Variants in CALN1 observed in about 807,000 individuals in gnomAD.
CALN1 encodes the protein calneuron 1.
Under a neutral mutation model 30.6 loss-of-function variants are expected in CALN1, and 17 were observed. The observed-to-expected ratio is 0.56, with a 90% confidence interval of 0.38 to 0.83. CALN1 has a LOEUF of 0.83. Among genes scored for constraint, CALN1 ranks in the 40% least tolerant of loss-of-function variants. CALN1 has a pLI of 0.00. For missense variants in CALN1, 291 were observed against 354.9 expected, an observed-to-expected ratio of 0.82 and a Z score of 1.45; for synonymous variants, 156 against 131.4, an observed-to-expected ratio of 1.19 and a Z score of -1.28.
chr7:71,854,806 G>T (rs577694987), intron 5 of CALN1, among the ~76,000 whole-genome samples: 6 of 152,116 alleles, frequency 3.9e-5, no homozygotes, highest in Admixed American at 6.6e-5. Flanking sequence ...AGAAGCTTCG[G>T]GCTCATTTCC....
chr7:72,262,851 G>A (rs1796356291), intron 3 of CALN1, among the ~76,000 whole-genome samples: 1 of 152,190 alleles, frequency 6.6e-6, no homozygotes, highest in Admixed American at 6.5e-5. Context: ...AACCAATGAG[G>A]ACAGCCACTG....
chr7:72,483,150 T>A, the CALN1 span, among the ~76,000 whole-genome samples: 10 of 152,252 alleles, frequency 6.6e-5, no homozygotes, highest in Middle Eastern at 3.4e-3. Context: ...TTTTAAAATT[T>A]TTTTTAATCA....
chr7:72,198,586 AC>A (rs1021187523), intron 3 of CALN1, among the ~76,000 whole-genome samples: 2 of 150,216 alleles, frequency 1.3e-5, no homozygotes, highest in Non-Finnish European at 3.0e-5. Context: ...TGCTATAACC[AC>A]CCCCCACCCT....
intron 3 of CALN1, among the ~76,000 whole-genome samples, chr7:72,211,638 T>C (rs983635502): frequency 2.0e-5 from 3 of 152,216 alleles, no homozygotes; most frequent in African/African-American, 7.2e-5. Flanking sequence ...ACATCACGAA[T>C]GTTCTATGAA....
At chr7:72,061,528 A>C (rs182436839) in intron 4 of CALN1, among the ~76,000 whole-genome samples, 20 of 152,084 alleles carry the variant, frequency 1.3e-4, no homozygotes, top group African/African-American at 4.6e-4. Context: ...ACTAAAAAAA[A>C]AAAAACAGTA....
chr7:72,488,085 A>G, the CALN1 span, among the ~76,000 whole-genome samples: 2 of 151,988 alleles, frequency 1.3e-5, no homozygotes, highest in South Asian at 4.2e-4. Context: ...TGATCCCAAC[A>G]CTTTGGGAGG....
In CALN1 at chr7:71,950,144, G is replaced by A. The variant is rs186498335; in HGVS notation, c.501+73513C>T. Among the ~76,000 whole-genome samples, 22 of 152,140 alleles carry A rather than the reference G, an allele frequency of 1.4e-4. No homozygotes were observed. In the East Asian group the frequency reaches 2.5e-3, roughly 17 times the overall value. ...GTGCATTTTGTCCAATTCTTTGTTC[G>A]AGATGCCAAGAACCTGGACACCCTC... On this transcript the variant is annotated intron_variant, in intron 5 of 6. Coordinates refer to ENST00000395275, the MANE Select transcript of CALN1 (RefSeq NM_031468.4).
chr7:72,465,797 G>C, the CALN1 span, among the ~76,000 whole-genome samples: 1 of 152,204 alleles, frequency 6.6e-6, no homozygotes, highest in Non-Finnish European at 1.5e-5. Context: ...AAGAGAAACA[G>C]AAAGGAAAAT....
intron 5 of CALN1, among the ~76,000 whole-genome samples, chr7:71,949,350 G>A (rs114457928): frequency 0.017 from 2,575 of 152,208 alleles, 81 homozygotes; most frequent in African/African-American, 0.058. Flanking sequence ...TACATAAGGC[G>A]TATACCAAGT....
chr7:72,425,926 C>T (rs1807786770), intron 1 of CALN1, among the ~76,000 whole-genome samples: 1 of 152,142 alleles, frequency 6.6e-6, no homozygotes, highest in African/African-American at 2.4e-5. Context: ...AACTCCTCCT[C>T]ATCCCAGGGT....
At chr7:72,501,369 T>G in the CALN1 span, among the ~76,000 whole-genome samples, 1 of 15,486 alleles carries the variant, frequency 6.5e-5, no homozygotes, top group Non-Finnish European at 1.4e-4. Flanking sequence ...CACGTCTCTA[T>G]TAAAAAAAAA....
chr7:72,079,761 CTTTTTTTTTTTTTTT>C (rs3065015), intron 4 of CALN1, among the ~76,000 whole-genome samples: 5 of 104,038 alleles, frequency 4.8e-5, no homozygotes, highest in African/African-American at 1.6e-4. Context: ...TGCCTTTTTC[CTTTTTTTTTTTTTTT>C]TTTTTTTTTT....
intron 1 of CALN1, among the ~76,000 whole-genome samples, chr7:72,409,355 CCA>C (rs1443466567): frequency 1.4e-5 from 2 of 147,582 alleles, no homozygotes; most frequent in Admixed American, 6.7e-5. Flanking sequence ...TTGCTGAAGG[CCA>C]CAGAGGCTGA....
intron 5 of CALN1, among the ~76,000 whole-genome samples, chr7:71,824,910 T>C (rs2116353968): frequency 6.6e-6 from 1 of 152,266 alleles, no homozygotes; most frequent in East Asian, 1.9e-4. Context: ...GAGTCCTACC[T>C]ACACAGTTGA....
chr7:71,790,381 AAAGAAAGAAAGAAAG>A (rs1793293144), intron 6 of CALN1, among the ~76,000 whole-genome samples: 1 of 97,306 alleles, frequency 1.0e-5, no homozygotes, highest in Non-Finnish European at 2.1e-5. Context: ...AGAAAGAAAG[AAAGAAAGAAAGAAAG>A]AAAGAAAGAA....
At chr7:72,310,907 T>TAAAAAAAAAAAAAAA (rs5884884) in intron 2 of CALN1, among the ~76,000 whole-genome samples, 1 of 113,732 alleles carries the variant, frequency 8.8e-6, no homozygotes, top group African/African-American at 3.1e-5. Flanking sequence ...GACTCCGTCT[T>TAAAAAAAAAAAAAAA]AAAAAAAAAA....
At chr7:72,012,875 A>G (rs1800164134) in intron 5 of CALN1, among the ~76,000 whole-genome samples, 1 of 152,114 alleles carries the variant, frequency 6.6e-6, no homozygotes, top group Non-Finnish European at 1.5e-5. Flanking sequence ...GGCTCACTGT[A>G]ACCTCCGCCT....
chr7:72,279,407 G>A lies in CALN1; in HGVS notation c.120-597C>T, dbSNP rs1797582762. 2.6e-5 allele frequency among the ~76,000 whole-genome samples: 4 copies of A among 152,210 alleles called. No homozygotes were observed. In the South Asian group the frequency reaches 8.3e-4, roughly 32 times the overall value. On this transcript the variant is annotated intron_variant, in intron 2 of 6. Coordinates refer to ENST00000395275, the MANE Select transcript of CALN1 (RefSeq NM_031468.4). The stretch of plus-strand genomic sequence containing the variant: ...AGATGCAGATGCTGCTTACATGAGT[G>A]GTGTGTGAGCACACACATTCTGAAA...
At chr7:72,278,513 A>ACACG (rs1468624897) in intron 3 of CALN1, among the ~76,000 whole-genome samples, 173 bp downstream of exon 3, 29 of 141,356 alleles carry the variant, frequency 2.1e-4, no homozygotes, top group East Asian at 2.1e-4. Context: ...ACACACACAC[A>ACACG]CGTCACTTGG....
Sources: gnomAD v4.1 joint callset for allele counts (sites outside exome capture counted in the v4.1 genomes callset) on GRCh38, gnomAD v4.1.1 for gene constraint, MANE v1.5 for transcripts, NCBI Gene and HGNC (gene_info 2026-07-23, HGNC 2026-07-21) for gene names.